FAM107B: variants seen among roughly 807,000 people sequenced by gnomAD.
FAM107B encodes protein FAM107B.
Under a neutral mutation model 31.5 loss-of-function variants are expected in FAM107B, and 21 were observed. That is an observed-to-expected ratio of 0.67 (90% confidence interval 0.47 to 0.96). FAM107B has a LOEUF of 0.96. Among genes scored for constraint, FAM107B ranks in the 40% least tolerant of loss-of-function variants. FAM107B has a pLI of 0.00. For missense variants in FAM107B, 452 were observed against 377.1 expected (o/e 1.20, Z -1.64); for synonymous variants, 157 against 141.5 (o/e 1.11, Z -0.78).
intron 2 of FAM107B, among the ~76,000 whole-genome samples, chr10:14,590,983 CCATCTCAAAAAAAAAAAAAA>C (rs1564590266): frequency 1.2e-5 from 1 of 86,232 alleles, no homozygotes; most frequent in South Asian, 4.4e-4. Flanking sequence ...GAGCAAAACT[CCATCTCAAAAAAAAAAAAAA>C]AAAAAAAAGA....
intron 1 of FAM107B, among the ~76,000 whole-genome samples, chr10:14,761,011 C>CAAAAA (rs565835423): frequency 1.6e-3 from 121 of 77,412 alleles, no homozygotes; most frequent in South Asian, 3.0e-3. Context: ...GACTCCGTTT[C>CAAAAA]AAAAAAAAAA....
At chr10:14,576,138 T>C (rs568990482) in intron 2 of FAM107B, among the ~76,000 whole-genome samples, 112 of 152,310 alleles carry the variant, frequency 7.4e-4, no homozygotes, top group African/African-American at 2.7e-3. Context: ...TTTGGGATGA[T>C]GAAAAAGTTC....
chr10:14,767,592 GA>G (rs891400084), intron 1 of FAM107B, among the ~76,000 whole-genome samples: 6 of 151,314 alleles, frequency 4.0e-5, no homozygotes, highest in African/African-American at 1.2e-4. Context: ...CAATTGATGT[GA>G]AAAAAAATTA....
rs1292707134 is a variant in FAM107B at position 14,656,842 on chromosome 10, C to G, written c.469+10792G>C. 2.0e-5 allele frequency among the ~76,000 whole-genome samples: 3 copies of G among 152,228 alleles called. No homozygotes were observed. The East Asian group carries it at 5.8e-4, about 29-fold the overall frequency. On this transcript the variant is annotated intron_variant, in intron 2 of 4. Transcript: ENST00000181796. ...TTTGTGCACACTGAAAATTTCATTC[C>G]TGGTAACCGGTAACTGGTTCACCTT... is the stretch of plus-strand genomic sequence containing the variant.
intron 1 of FAM107B, among the ~76,000 whole-genome samples, chr10:14,729,316 C>T (rs1170188751): frequency 6.6e-6 from 1 of 152,098 alleles, no homozygotes. Context: ...ATATTTTTAT[C>T]CCTATTTTAC....
At chr10:14,604,327 G>A in intron 2 of FAM107B, 2 of 910,230 alleles carry the variant, frequency 2.2e-6, no homozygotes, top group South Asian at 4.9e-5. Flanking sequence ...GCTCGGCGGC[G>A]GCCCGAGGCG....
intron 2 of FAM107B, among the ~76,000 whole-genome samples, chr10:14,539,639 T>A (rs555793963): frequency 3.3e-5 from 5 of 152,228 alleles, no homozygotes; most frequent in African/African-American, 1.2e-4. Context: ...AGTCTCTAGA[T>A]AGAAGAAAAC....
intron 2 of FAM107B, among the ~76,000 whole-genome samples, chr10:14,628,638 T>A (rs1439085946): frequency 6.6e-6 from 1 of 152,216 alleles, no homozygotes; most frequent in Non-Finnish European, 1.5e-5. Flanking sequence ...CCGAGTCAAG[T>A]CTAAAGATGA....
chr10:14,550,971 T>C (rs780015041), intron 2 of FAM107B, among the ~76,000 whole-genome samples: 1 of 152,220 alleles, frequency 6.6e-6, no homozygotes, highest in Non-Finnish European at 1.5e-5. Flanking sequence ...CAGATCATCA[T>C]AGCTAACTAC....
rs1056042101 is a variant in FAM107B, at chr10:14,521,930, GCTT to G, written c.740_742del (p.Glu247del). 1.9e-6 allele frequency: 3 copies of G among 1,613,970 alleles called. No individual in the cohort carries two copies. The African/African-American group carries it at 4.0e-5, about 22-fold the overall frequency. On this transcript the variant is annotated inframe_deletion, in exon 4 of 5. Transcript: ENST00000181796. Reference sequence around the variant, plus strand: ...TTCCAAGTCAGATTTCTTCTTCTGTGCTTCTTCTTCCTTCTGCTTTATTACTTG... The same window carrying G: ...TTCCAAGTCAGATTTCTTCTTCTGTGCTTCTTCCTTCTGCTTTATTACTTG...
intron 1 of FAM107B, among the ~76,000 whole-genome samples, chr10:14,672,891 T>C (rs11817650): frequency 0.034 from 5,170 of 152,282 alleles, 284 homozygotes; most frequent in African/African-American, 0.12. Flanking sequence ...TTGGCAACAT[T>C]GGGAGTTAAC....
intron 1 of FAM107B, among the ~76,000 whole-genome samples, chr10:14,670,942 G>A: frequency 6.6e-6 from 1 of 152,174 alleles, no homozygotes; most frequent in Non-Finnish European, 1.5e-5. Context: ...GTTCGTAGTG[G>A]CTTTTTCCCA....
intron 2 of FAM107B, among the ~76,000 whole-genome samples, chr10:14,646,561 T>A (rs1401109866): frequency 6.6e-6 from 1 of 152,200 alleles, no homozygotes; most frequent in African/African-American, 2.4e-5. Context: ...ATTTTCTTTA[T>A]CCACTCATTG....
At chr10:14,553,277 C>A in intron 2 of FAM107B, 2 of 1,092,704 alleles carry the variant, frequency 1.8e-6, no homozygotes, top group Non-Finnish European at 2.4e-6. Flanking sequence ...ATGATGAAAG[C>A]TGAGGAATAA....
At chr10:14,537,358 T>C (rs369534789) in intron 2 of FAM107B, among the ~76,000 whole-genome samples, 2 of 152,196 alleles carry the variant, frequency 1.3e-5, no homozygotes, top group East Asian at 1.9e-4. Flanking sequence ...GCAGGGGTCA[T>C]GACTTCCCAG....
intron 2 of FAM107B, chr10:14,612,620 G>A (rs914045561): frequency 3.9e-5 from 6 of 152,160 alleles, no homozygotes; most frequent in Admixed American, 3.3e-4. Flanking sequence ...AATTGCTTCA[G>A]CCATTTGCTA....
intron 2 of FAM107B, among the ~76,000 whole-genome samples, chr10:14,645,529 A>C (rs1308529594): frequency 6.6e-6 from 1 of 152,184 alleles, no homozygotes; most frequent in South Asian, 2.1e-4. Flanking sequence ...TTTCTGGTTC[A>C]CTGTGACTGT....
At chr10:14,541,754 T>C (rs1255453246) in intron 2 of FAM107B, among the ~76,000 whole-genome samples, 1 of 152,168 alleles carries the variant, frequency 6.6e-6, no homozygotes, top group Non-Finnish European at 1.5e-5. Flanking sequence ...CTCTCCCCTA[T>C]GCTCTGGCAC....
intron 2 of FAM107B, among the ~76,000 whole-genome samples, chr10:14,599,544 T>C (rs2131366315): frequency 6.6e-6 from 1 of 152,260 alleles, no homozygotes; most frequent in Middle Eastern, 3.4e-3. Flanking sequence ...GGCTCACGTC[T>C]ATAATCCCAG....
Sources: allele counts gnomAD v4.1 joint callset (sites outside exome capture counted in the v4.1 genomes callset), GRCh38; gene constraint gnomAD v4.1.1; transcripts MANE v1.5; gene names NCBI Gene and HGNC (gene_info 2026-07-23, HGNC 2026-07-21).